Variants in MEI4 observed in about 807,000 individuals in gnomAD.
MEI4 encodes meiosis-specific protein MEI4.
A neutral mutation model predicts 31.4 loss-of-function variants in MEI4; 27 were observed. That is an observed-to-expected ratio of 0.86 (90% CI 0.63 to 1.19). The LOEUF (loss-of-function observed/expected upper bound fraction) is 1.19, where lower values mean the gene tolerates loss of function less well. Among genes scored for constraint, MEI4 ranks in the 50% most tolerant of loss-of-function variants. The probability of loss-of-function intolerance (pLI) is 0.00; values close to 1 mark genes in which losing one functional copy is unlikely to be tolerated. For missense variants in MEI4, 329 were observed against 398.9 expected (o/e 0.82, Z 1.49); for synonymous variants, 122 against 145.4 (o/e 0.84, Z 1.16).
chr6:77,687,252 G>C (rs1425286702), intron 1 of MEI4, among the ~76,000 whole-genome samples: 1 of 152,074 alleles, frequency 6.6e-6, no homozygotes, highest in African/African-American at 2.4e-5. Context: ...AAACTATTAA[G>C]AATTAAGAGA....
chr6:77,736,460 C>T (rs1582080093), intron 2 of MEI4, among the ~76,000 whole-genome samples: 1 of 152,236 alleles, frequency 6.6e-6, no homozygotes, highest in African/African-American at 2.4e-5. Context: ...CCTTGTGCTT[C>T]TGGAGTGAGG....
At chr6:77,866,966 A>C (rs150920954) in intron 4 of MEI4, among the ~76,000 whole-genome samples, 11 of 152,162 alleles carry the variant, frequency 7.2e-5, no homozygotes, top group Admixed American at 2.0e-4. Context: ...AAAACAAGCA[A>C]TGGGGAAAGG....
At chr6:77,720,610 T>C in intron 2 of MEI4, among the ~76,000 whole-genome samples, 1 of 137,814 alleles carries the variant, frequency 7.3e-6, no homozygotes, top group East Asian at 2.1e-4. Context: ...AGTGGGCAGG[T>C]GTAAGACTTG....
intron 2 of MEI4, among the ~76,000 whole-genome samples, chr6:77,754,518 G>A (rs9361277): frequency 0.12 from 17,847 of 152,114 alleles, 1,321 homozygotes; most frequent in East Asian, 0.39. Context: ...CTGTCTTCTT[G>A]TGTACCCTCA....
intron 2 of MEI4, among the ~76,000 whole-genome samples, chr6:77,756,086 A>G (rs1582108563): frequency 6.6e-6 from 1 of 152,146 alleles, no homozygotes; most frequent in Non-Finnish European, 1.5e-5. Flanking sequence ...TTGAGGTCTA[A>G]CTCAGTCATA....
At chr6:77,893,568 C>T (rs1023155293) in intron 4 of MEI4, among the ~76,000 whole-genome samples, 1 of 152,164 alleles carries the variant, frequency 6.6e-6, no homozygotes, top group Non-Finnish European at 1.5e-5. Flanking sequence ...TATACAAAGC[C>T]GTCCTCTTTG....
rs750054393 is a variant in MEI4 at position 77,833,588 on chromosome 6, T to G, written c.900+4526T>G. On this transcript the variant is annotated intron_variant, in intron 4 of 4. Coordinates refer to ENST00000684080, the MANE Select transcript of MEI4 (RefSeq NM_001322247.2). ...AGTGACATTGAAAAAGAGGTACACA[T>G]GTTCATTTTACATATGTGGATTTTT... is the stretch of plus-strand genomic sequence containing the variant. 4.7e-4 allele frequency among the ~76,000 whole-genome samples: 71 copies of G among 152,328 alleles called. 1 individual carries two copies. Among genetic ancestry groups the G allele is most frequent in the South Asian group, 8.3e-4 (4 of 4,826 alleles).
At chr6:77,866,345 C>G (rs1245639810) in intron 4 of MEI4, among the ~76,000 whole-genome samples, 1 of 152,056 alleles carries the variant, frequency 6.6e-6, no homozygotes, top group East Asian at 1.9e-4. Context: ...TGTCTCAGCC[C>G]AAAATCTCCT....
chr6:77,821,901 T>C (rs540797683), intron 3 of MEI4, among the ~76,000 whole-genome samples: 1 of 151,884 alleles, frequency 6.6e-6, no homozygotes, highest in Non-Finnish European at 1.5e-5. Context: ...TACCAGTCTC[T>C]ACATTTCACT....
intron 4 of MEI4, among the ~76,000 whole-genome samples, chr6:77,880,782 C>T (rs1771464029): frequency 6.6e-6 from 1 of 151,914 alleles, no homozygotes; most frequent in South Asian, 2.1e-4. Context: ...TTCTTGAAAG[C>T]TTACTAATGG....
At chr6:77,747,157 CA>C (rs1767632269) in intron 2 of MEI4, among the ~76,000 whole-genome samples, 2 of 151,836 alleles carry the variant, frequency 1.3e-5, no homozygotes, top group South Asian at 4.2e-4. Flanking sequence ...ACTAAAAATG[CA>C]AAAATTAACT....
chr6:77,842,668 A>G (rs114384533), intron 4 of MEI4, among the ~76,000 whole-genome samples: 1 of 152,080 alleles, frequency 6.6e-6, no homozygotes, highest in African/African-American at 2.4e-5. Flanking sequence ...CTTCCAAATT[A>G]TAAGCATTCT....
intron 1 of MEI4, among the ~76,000 whole-genome samples, chr6:77,656,590 A>G (rs765198348): frequency 7.9e-5 from 12 of 152,218 alleles, no homozygotes; most frequent in Non-Finnish European, 1.2e-4. Flanking sequence ...GCCTGGCACA[A>G]TCAATAAGTG....
intron 3 of MEI4, among the ~76,000 whole-genome samples, chr6:77,782,515 G>T (rs1768618832): frequency 6.6e-6 from 1 of 152,084 alleles, no homozygotes; most frequent in African/African-American, 2.4e-5. Context: ...AAAGGATTTT[G>T]GAGACTTTAT....
chr6:77,651,742 T>G (rs1331081200), upstream of MEI4, among the ~76,000 whole-genome samples: 2 of 152,176 alleles, frequency 1.3e-5, no homozygotes, highest in Admixed American at 1.3e-4. Flanking sequence ...ATTTGAAACA[T>G]GTATGGATGA....
At chr6:77,702,405 A>G (rs573913232) in intron 2 of MEI4, among the ~76,000 whole-genome samples, 15 of 152,380 alleles carry the variant, frequency 9.8e-5, no homozygotes, top group African/African-American at 3.1e-4. Flanking sequence ...GTCTAATACA[A>G]TAATGATGGA....
chr6:77,870,574 C>A (rs1253677471), intron 4 of MEI4, among the ~76,000 whole-genome samples: 1 of 149,036 alleles, frequency 6.7e-6, no homozygotes, highest in African/African-American at 2.4e-5. Flanking sequence ...AATTCTGGCA[C>A]AACTTTTTTT....
rs58959367 is a variant in MEI4, at chr6:77,910,925, G to GTT, written c.901-12148_901-12147dup. Among the ~76,000 whole-genome samples the GTT allele has an allele frequency of 7.5e-4, 90 of 120,548 alleles. 1 individual carries two copies. Among genetic ancestry groups the GTT allele is most frequent in the African/African-American group, 1.6e-3 (52 of 32,128 alleles). 79.1% of individuals were successfully genotyped at this position (120,548 alleles called of 152,430 possible). ...TTATCCACATTCTCACCAGCTTCTG[G>GTT]TTTTTTTTTTTTTTTTTGTCTTCTT... On this transcript the variant is annotated intron_variant, in intron 4 of 4. Coordinates refer to ENST00000684080, the MANE Select transcript of MEI4 (RefSeq NM_001322247.2).
chr6:77,906,841 G>C (rs1050745185), intron 4 of MEI4, among the ~76,000 whole-genome samples: 1 of 152,144 alleles, frequency 6.6e-6, no homozygotes, highest in Admixed American at 6.5e-5. Flanking sequence ...AGAGAGGACA[G>C]GCAGGCTCAG....
Sources: gnomAD v4.1 joint callset for allele counts (sites outside exome capture counted in the v4.1 genomes callset) on GRCh38, gnomAD v4.1.1 for gene constraint, MANE v1.5 for transcripts, NCBI Gene and HGNC (gene_info 2026-07-23, HGNC 2026-07-21) for gene names.